Variants in PLPPR5 observed in about 807,000 individuals in gnomAD.
PLPPR5 encodes the protein phospholipid phosphatase related 5.
A neutral mutation model predicts 33.9 loss-of-function variants in PLPPR5; 16 were observed. The observed-to-expected ratio is 0.47, with a 90% confidence interval of 0.32 to 0.72. The LOEUF is 0.72. PLPPR5 is among the 30% of genes least tolerant of loss of function. The pLI is 0.03. For synonymous variants in PLPPR5, 163 were observed against 150.3 expected (o/e 1.08, Z -0.62); for missense variants, 301 against 406.7 (o/e 0.74, Z 2.23).
intron 3 of PLPPR5, among the ~76,000 whole-genome samples, chr1:98,928,127 C>T (rs1649831575): frequency 6.6e-6 from 1 of 152,044 alleles, no homozygotes. Context: ...TAGCCAGTAG[C>T]TACTGTAGCC....
At chr1:98,901,793 T>C (rs1648703106) in intron 5 of PLPPR5, among the ~76,000 whole-genome samples, 1 of 152,088 alleles carries the variant, frequency 6.6e-6, no homozygotes, top group Admixed American at 6.6e-5. Flanking sequence ...TTATCTTAAA[T>C]TATTAATTGA....
intron 1 of PLPPR5, among the ~76,000 whole-genome samples, chr1:98,973,551 C>G (rs1355869048): frequency 6.6e-6 from 1 of 151,912 alleles, no homozygotes; most frequent in African/African-American, 2.4e-5. Context: ...ACAGGTAGGG[C>G]CATCATGTAA....
intron 2 of PLPPR5, among the ~76,000 whole-genome samples, chr1:98,956,133 G>A (rs1165082908): frequency 2.6e-5 from 4 of 151,866 alleles, no homozygotes; most frequent in Non-Finnish European, 1.5e-5. Flanking sequence ...CGTGATGTTC[G>A]ACAACCTACC....
intron 3 of PLPPR5, among the ~76,000 whole-genome samples, chr1:98,924,214 T>G (rs193144832): frequency 7.7e-4 from 118 of 152,296 alleles, no homozygotes; most frequent in Middle Eastern, 6.8e-3. Context: ...TTCAAAACAA[T>G]CATTGAAGTT....
At chr1:98,988,915 C>T (rs1652353581) in intron 1 of PLPPR5, among the ~76,000 whole-genome samples, 1 of 152,026 alleles carries the variant, frequency 6.6e-6, no homozygotes, top group Admixed American at 6.6e-5. Flanking sequence ...CTAAGGAATC[C>T]TTTAGTCCAC....
chr1:98,894,695 G>A (rs1351486), intron 5 of PLPPR5, among the ~76,000 whole-genome samples: 2 of 152,086 alleles, frequency 1.3e-5, no homozygotes, highest in African/African-American at 4.8e-5. Flanking sequence ...CACTGGCCTA[G>A]GCCTCAGGGT....
In PLPPR5 at chr1:98,942,084, G is replaced by GAGAC. The variant is rs72098075; in HGVS notation, c.621+10985_621+10986insGTCT. Among the ~76,000 whole-genome samples, 289 of 148,732 alleles carry GAGAC rather than the reference G, an allele frequency of 1.9e-3. 2 individuals carry two copies. The highest frequency in any genetic ancestry group is 7.1e-3 in the Middle Eastern group (2 of 282). ...AGAGAGAGAGAGGAAGAAAGAGAGA[G>GAGAC]AGAGAGAGAGGAAGTCTCGCTCTGT... On this transcript the variant is annotated intron_variant, in intron 3 of 5. Transcript: ENST00000263177.
At chr1:99,000,547 C>T (rs1347822624) in intron 1 of PLPPR5, among the ~76,000 whole-genome samples, 1 of 152,192 alleles carries the variant, frequency 6.6e-6, no homozygotes, top group Non-Finnish European at 1.5e-5. Context: ...AGAGTGCAGT[C>T]TCCATTTGCT....
At position 98,968,578 on chromosome 1, in the gene PLPPR5, A is replaced by G. The variant is rs533277950; in HGVS notation, c.238-11837T>C. ...AGGATGTTAAGTGATATTTTCTAGG[A>G]AAAAAAATTCTGGTGAAAAAACATC... is the stretch of plus-strand genomic sequence containing the variant. On this transcript the variant is annotated intron_variant, in intron 1 of 5. Transcript: ENST00000263177. 3.7e-4 allele frequency among the ~76,000 whole-genome samples: 56 copies of G among 152,036 alleles called. No homozygotes were observed. The South Asian group carries it at 6.0e-3, about 16-fold the overall frequency.
At chr1:98,976,798 A>G (rs1430269245) in intron 1 of PLPPR5, among the ~76,000 whole-genome samples, 1 of 152,082 alleles carries the variant, frequency 6.6e-6, no homozygotes, top group Non-Finnish European at 1.5e-5. Context: ...TAAATTATCA[A>G]AATTAATTTC....
intron 1 of PLPPR5, among the ~76,000 whole-genome samples, chr1:98,957,426 A>T (rs1227269640): frequency 2.0e-5 from 3 of 151,916 alleles, no homozygotes; most frequent in Non-Finnish European, 2.9e-5. Flanking sequence ...AAAATAAAAT[A>T]TACAAAAGAT....
At chr1:98,900,738 G>T (rs769426102) in intron 5 of PLPPR5, among the ~76,000 whole-genome samples, 3 of 152,248 alleles carry the variant, frequency 2.0e-5, no homozygotes, top group Non-Finnish European at 2.9e-5. Context: ...GGAGGATGTG[G>T]ATAATGGACC....
intron 5 of PLPPR5, among the ~76,000 whole-genome samples, chr1:98,904,062 T>C (rs1456387071): frequency 3.3e-5 from 5 of 152,190 alleles, no homozygotes; most frequent in Non-Finnish European, 7.3e-5. Flanking sequence ...AATTTTCATC[T>C]GTAATAGTAC....
chr1:98,973,551 C>T (rs1355869048), intron 1 of PLPPR5, among the ~76,000 whole-genome samples: 1 of 151,796 alleles, frequency 6.6e-6, no homozygotes, highest in African/African-American at 2.4e-5. Flanking sequence ...ACAGGTAGGG[C>T]CATCATGTAA....
At chr1:98,905,184 T>C (rs976571601) in intron 5 of PLPPR5, among the ~76,000 whole-genome samples, 1 of 152,142 alleles carries the variant, frequency 6.6e-6, no homozygotes, top group African/African-American at 2.4e-5. Context: ...GGAAGTCCTT[T>C]TTGGAAGGTA....
At chr1:98,942,810 C>T (rs1244118458) in intron 3 of PLPPR5, among the ~76,000 whole-genome samples, 1 of 152,320 alleles carries the variant, frequency 6.6e-6, no homozygotes, top group East Asian at 1.9e-4. Context: ...GTGGACACCT[C>T]ATTCACTGAG....
At chr1:98,942,268 T>C (rs1204307592) in intron 3 of PLPPR5, among the ~76,000 whole-genome samples, 2 of 152,118 alleles carry the variant, frequency 1.3e-5, no homozygotes, top group Non-Finnish European at 2.9e-5. Context: ...GAGATGGAGT[T>C]TCACCCTCAA....
At chr1:99,002,672 T>C (rs905579269) in intron 1 of PLPPR5, among the ~76,000 whole-genome samples, 2 of 152,116 alleles carry the variant, frequency 1.3e-5, no homozygotes, top group Non-Finnish European at 2.9e-5. Context: ...ATCCAAATCA[T>C]TGGGTGAGTG....
At chr1:98,900,913 A>G (rs780170787) in intron 5 of PLPPR5, among the ~76,000 whole-genome samples, 5 of 152,186 alleles carry the variant, frequency 3.3e-5, no homozygotes, top group Non-Finnish European at 5.9e-5. Context: ...AATGACACAG[A>G]TAACTTGAAA....
Sources: gnomAD v4.1 joint callset for allele counts (sites outside exome capture counted in the v4.1 genomes callset) on GRCh38, gnomAD v4.1.1 for gene constraint, MANE v1.5 for transcripts, NCBI Gene and HGNC (gene_info 2026-07-23, HGNC 2026-07-21) for gene names.